GSK3B: variants seen among roughly 807,000 people sequenced by gnomAD.
GSK3B encodes glycogen synthase kinase 3 beta.
GSK3B carries 15 observed loss-of-function variants against 56.4 expected under a neutral mutation model. That is an observed-to-expected ratio of 0.27 (90% CI 0.18 to 0.41). The LOEUF is 0.41. Among genes scored for constraint, GSK3B ranks in the 10% least tolerant of loss-of-function variants. The pLI is 1.00. For synonymous variants in GSK3B, 181 were observed against 188.9 expected (o/e 0.96, Z 0.34); for missense variants, 300 against 513.4 (o/e 0.58, Z 4.02).
intron 1 of GSK3B, among the ~76,000 whole-genome samples, chr3:120,072,755 A>AT (rs1222140910): frequency 6.6e-6 from 1 of 152,178 alleles, no homozygotes; most frequent in Non-Finnish European, 1.5e-5. Flanking sequence ...AGTACAAAGG[A>AT]TTTTCCAGTG....
At chr3:119,999,100 A>G (rs963532999) in intron 2 of GSK3B, among the ~76,000 whole-genome samples, 1 of 152,238 alleles carries the variant, frequency 6.6e-6, no homozygotes, top group African/African-American at 2.4e-5. Flanking sequence ...CAATTGAACA[A>G]TGGCTAATTA....
rs866363535 is a variant in GSK3B at position 120,024,681 on chromosome 3, T to C, written c.89-22442A>G. 2.2e-4 allele frequency among the ~76,000 whole-genome samples: 33 copies of C among 152,072 alleles called. No homozygotes were observed. In the Middle Eastern group the frequency reaches 0.01, roughly 47 times the overall value. ...CTGCTGCATTAGATAATAACTGAAG[T>C]AAGAGGTACAAAAGAGAATGGTGGG... On this transcript the variant is annotated intron_variant, in intron 1 of 10. Transcript: ENST00000264235.
intron 2 of GSK3B, among the ~76,000 whole-genome samples, chr3:119,948,732 C>T (rs1298374931): frequency 6.6e-6 from 1 of 152,182 alleles, no homozygotes; most frequent in Non-Finnish European, 1.5e-5. Context: ...GAGTTTCACT[C>T]TTGTTACCCA....
chr3:119,964,166 T>C (rs937873783), intron 2 of GSK3B, among the ~76,000 whole-genome samples: 1 of 151,688 alleles, frequency 6.6e-6, no homozygotes, highest in African/African-American at 2.4e-5. Flanking sequence ...CAGCAAAAAA[T>C]GAGATGAATA....
intron 1 of GSK3B, among the ~76,000 whole-genome samples, chr3:120,078,746 T>C (rs1274727719): frequency 6.8e-6 from 1 of 147,694 alleles, no homozygotes; most frequent in East Asian, 2.0e-4. Context: ...AGAGACAGGG[T>C]TTCTCCATGT....
intron 7 of GSK3B, among the ~76,000 whole-genome samples, chr3:119,882,713 T>C (rs2056393226): frequency 6.6e-6 from 1 of 152,202 alleles, no homozygotes; most frequent in Admixed American, 6.5e-5. Flanking sequence ...TCTGCTTTGA[T>C]GAATAGTGAT....
intron 2 of GSK3B, among the ~76,000 whole-genome samples, chr3:119,999,589 T>TA (rs970603605): frequency 6.6e-6 from 1 of 152,128 alleles, no homozygotes; most frequent in African/African-American, 2.4e-5. Flanking sequence ...GACAAATATT[T>TA]AAAAAATGGA....
Position 120,029,743 on chromosome 3 carries a change from C to T in GSK3B, c.89-27504G>A, listed in dbSNP as rs1300387573. 5 of 553,712 alleles carry T rather than the reference C, an allele frequency of 9.0e-6. No homozygotes were observed. In the East Asian group the frequency reaches 2.4e-4, roughly 27 times the overall value. The allele number at this position is 553,712 out of a possible 1,614,324, so 34.3% of individuals were successfully genotyped here. ...TATCATGCAGTGCATCCTGGGGGAG[C>T]TCTCTTTGGAATATGGTATGTTACT... On this transcript the variant is annotated intron_variant, in intron 1 of 10. Transcript: ENST00000264235.
rs1423870395 is a variant in GSK3B at position 119,823,466 on chromosome 3, A to T, written c.*3322T>A. ...ATACTATTAAGAAACTTCGATTTAT[A>T]AAAAAACAATTCTCTGTCACTCTCT... On this transcript the variant is annotated 3_prime_UTR_variant, in exon 11 of 11. Transcript: ENST00000264235. 5.1e-6 allele frequency: 1 copy of T among 194,352 alleles called. No homozygotes were observed. The highest frequency in any genetic ancestry group is 1.1e-5 in the Non-Finnish European group (1 of 93,260). The allele number at this position is 194,352 out of a possible 1,614,324, so 12.0% of individuals were successfully genotyped here. A position where few individuals can be genotyped will look rare whatever the true frequency, so the allele number is the denominator to read the frequency against.
chr3:119,898,493 TG>T (rs2056592426), intron 7 of GSK3B, among the ~76,000 whole-genome samples: 1 of 152,200 alleles, frequency 6.6e-6, no homozygotes, highest in African/African-American at 2.4e-5. Flanking sequence ...ACTAATTTGC[TG>T]GTAGACACAA....
chr3:119,864,667 G>A (rs182494663), intron 8 of GSK3B, among the ~76,000 whole-genome samples: 9 of 152,364 alleles, frequency 5.9e-5, no homozygotes, highest in Non-Finnish European at 1.2e-4. Context: ...CAGCCTGGAA[G>A]GCTAAGGTTT....
chr3:119,899,818 CCTTCCCTTAATT>C (rs2056608234), intron 7 of GSK3B, among the ~76,000 whole-genome samples: 2 of 152,040 alleles, frequency 1.3e-5, no homozygotes, highest in South Asian at 4.1e-4. Flanking sequence ...CTCCTTTTCC[CCTTCCCTTAATT>C]CTATTCTCCA....
chr3:119,880,058 A>G (rs1245994396), intron 7 of GSK3B, among the ~76,000 whole-genome samples: 3 of 152,080 alleles, frequency 2.0e-5, no homozygotes, highest in African/African-American at 7.2e-5. Flanking sequence ...TTCTCCATGG[A>G]AGCAGTACTA....
At chr3:120,063,935 C>T (rs1261537242) in intron 1 of GSK3B, among the ~76,000 whole-genome samples, 2 of 151,588 alleles carry the variant, frequency 1.3e-5, no homozygotes, top group Admixed American at 1.3e-4. Context: ...CACAGTGAGC[C>T]GATATTGTGC....
chr3:119,970,790 AAAAC>A (rs200359060), intron 2 of GSK3B, among the ~76,000 whole-genome samples: 2,563 of 144,904 alleles, frequency 0.018, 64 homozygotes, highest in African/African-American at 0.063. Flanking sequence ...CCGTTTCAAA[AAAAC>A]AAACAAACAA....
chr3:119,926,348 ACACACACC>A (rs2056889101), intron 3 of GSK3B, among the ~76,000 whole-genome samples: 2 of 151,236 alleles, frequency 1.3e-5, no homozygotes, highest in African/African-American at 4.9e-5. Flanking sequence ...ACACACACAC[ACACACACC>A]CCTATACCCA....
chr3:120,074,766 G>C (rs2058355796), intron 1 of GSK3B, among the ~76,000 whole-genome samples: 1 of 152,116 alleles, frequency 6.6e-6, no homozygotes, highest in Non-Finnish European at 1.5e-5. Context: ...TGAACCAGTG[G>C]TAATTAAAAT....
chr3:119,977,042 C>A (rs536386514), intron 2 of GSK3B, among the ~76,000 whole-genome samples: 2 of 152,180 alleles, frequency 1.3e-5, no homozygotes, highest in South Asian at 4.2e-4. Flanking sequence ...AAATATCGTG[C>A]CTCCATTTTT....
chr3:120,080,818 A>G (rs1235027190), intron 1 of GSK3B, among the ~76,000 whole-genome samples: 1 of 152,028 alleles, frequency 6.6e-6, no homozygotes, highest in Non-Finnish European at 1.5e-5. Flanking sequence ...CAATACAGCA[A>G]GACTCAGTCT....
Sources: gnomAD v4.1 joint callset for allele counts (sites outside exome capture counted in the v4.1 genomes callset) on GRCh38, gnomAD v4.1.1 for gene constraint, MANE v1.5 for transcripts, NCBI Gene and HGNC (gene_info 2026-07-23, HGNC 2026-07-21) for gene names.